Variants in MTUS2 observed in about 807,000 individuals in gnomAD.
The protein encoded by MTUS2 is microtubule associated scaffold protein 2, also known as microtubule-associated tumor suppressor candidate 2.
A neutral mutation model predicts 114.1 loss-of-function variants in MTUS2; 40 were observed. That is an observed-to-expected ratio of 0.35 (90% CI 0.27 to 0.46). MTUS2 has a LOEUF of 0.46. Ranked by LOEUF, MTUS2 falls within the 20% of genes least tolerant of loss-of-function variation. The pLI is 1.00. For missense variants in MTUS2, 1,679 were observed against 1,705.4 expected (o/e 0.98, Z 0.27); for synonymous variants, 688 against 672.0 (o/e 1.02, Z -0.37).
In MTUS2 at chr13:29,427,598, T is replaced by C. The variant is rs548355643; in HGVS notation, c.3118-12385T>C. Reference sequence around the variant, plus strand: ...TAAAGAAAGGTTTCCGTTTATTCTTTCAAGTTTAAGGCAAACATTCCAGTC... The same window carrying C: ...TAAAGAAAGGTTTCCGTTTATTCTTCCAAGTTTAAGGCAAACATTCCAGTC... On this transcript the variant is annotated intron_variant, in intron 8 of 15. Transcript: ENST00000612955. Among the ~76,000 whole-genome samples, 83 of 152,364 alleles carry C rather than the reference T, an allele frequency of 5.4e-4. 1 individual carries two copies. The highest frequency in any genetic ancestry group is 1.9e-3 in the African/African-American group (78 of 41,600).
At chr13:29,238,997 G>A (rs539955475) in intron 5 of MTUS2, among the ~76,000 whole-genome samples, 23 of 152,162 alleles carry the variant, frequency 1.5e-4, no homozygotes, top group African/African-American at 4.6e-4. Context: ...ACGAAGTTTC[G>A]GTTATGCAGG....
intron 2 of MTUS2, among the ~76,000 whole-genome samples, chr13:28,876,540 AAGAG>A (rs953365619): frequency 4.6e-5 from 7 of 152,190 alleles, no homozygotes; most frequent in African/African-American, 1.7e-4. Context: ...CGTCTAGAAG[AAGAG>A]AGAGTTGTTT....
chr13:28,941,474 AAT>A (rs1491570168), intron 2 of MTUS2, among the ~76,000 whole-genome samples: 2 of 152,100 alleles, frequency 1.3e-5, no homozygotes, highest in African/African-American at 4.8e-5. Context: ...AAAACTTAAA[AAT>A]ATCTTTTTAT....
At chr13:29,435,556 C>T (rs1428212750) in intron 8 of MTUS2, among the ~76,000 whole-genome samples, 7 of 152,178 alleles carry the variant, frequency 4.6e-5, no homozygotes, top group Non-Finnish European at 7.3e-5. Context: ...CAAGATCACA[C>T]TGGATTCTGT....
At chr13:29,331,410 C>G (rs578098631) in intron 7 of MTUS2, among the ~76,000 whole-genome samples, 1 of 152,078 alleles carries the variant, frequency 6.6e-6, no homozygotes, top group Non-Finnish European at 1.5e-5. Flanking sequence ...TCTTCCTGTT[C>G]GAATATGCTT....
chr13:28,946,278 T>C (rs1266437786), intron 2 of MTUS2, among the ~76,000 whole-genome samples: 7 of 57,464 alleles, frequency 1.2e-4, no homozygotes, highest in East Asian at 6.5e-4. Flanking sequence ...TCTGCGTGTG[T>C]GTGTGTGTGT....
intron 2 of MTUS2, among the ~76,000 whole-genome samples, chr13:28,866,291 A>G (rs1329525269): frequency 1.3e-5 from 2 of 152,042 alleles, no homozygotes; most frequent in African/African-American, 4.8e-5. Context: ...ATGGATCACC[A>G]TAAGCTGTTT....
chr13:29,462,039 C>T (rs921210410), intron 9 of MTUS2, among the ~76,000 whole-genome samples: 11 of 152,132 alleles, frequency 7.2e-5, no homozygotes, highest in Non-Finnish European at 4.4e-5. Flanking sequence ...GTACAAAGGC[C>T]CTGAGGCTCT....
intron 12 of MTUS2, among the ~76,000 whole-genome samples, chr13:29,493,243 G>A (rs943201728): frequency 6.6e-6 from 1 of 152,194 alleles, no homozygotes; most frequent in Admixed American, 6.5e-5. Flanking sequence ...CAGAGGAGCT[G>A]CCTGGTGTCC....
At chr13:29,305,769 C>T (rs1257677757) in intron 6 of MTUS2, among the ~76,000 whole-genome samples, 1 of 152,146 alleles carries the variant, frequency 6.6e-6, no homozygotes, top group Non-Finnish European at 1.5e-5. Flanking sequence ...AGGAGGGACT[C>T]CTTCCTAACT....
intron 5 of MTUS2, among the ~76,000 whole-genome samples, chr13:29,227,244 G>A (rs1383321743): frequency 2.7e-5 from 3 of 112,686 alleles, no homozygotes; most frequent in Admixed American, 1.1e-4. Flanking sequence ...TTGCAACAGA[G>A]CAAGACTCCG....
chr13:29,149,901 G>T (rs1456565173), intron 5 of MTUS2, among the ~76,000 whole-genome samples: 8 of 152,142 alleles, frequency 5.3e-5, no homozygotes, highest in African/African-American at 1.9e-4. Context: ...GTACCATGCT[G>T]TTTTGGTTAT....
intron 5 of MTUS2, among the ~76,000 whole-genome samples, chr13:29,178,360 A>G (rs17072891): frequency 0.024 from 3,680 of 152,270 alleles, 151 homozygotes; most frequent in African/African-American, 0.084. Context: ...GTGAATTGTA[A>G]TGAATTTTTA....
intron 2 of MTUS2, among the ~76,000 whole-genome samples, chr13:28,866,240 C>G (rs1877290456): frequency 6.6e-6 from 1 of 152,166 alleles, no homozygotes; most frequent in Non-Finnish European, 1.5e-5. Context: ...ACTGCACTAT[C>G]TCGTTGTTTT....
intron 4 of MTUS2, among the ~76,000 whole-genome samples, chr13:29,095,347 G>A (rs9508268): frequency 0.67 from 102,133 of 151,910 alleles, 35,029 homozygotes; most frequent in Non-Finnish European, 0.74. Context: ...GTGTATATAC[G>A]TTTATAATTA....
chr13:29,039,480 G>A (rs1186219670), intron 4 of MTUS2, among the ~76,000 whole-genome samples: 2 of 152,204 alleles, frequency 1.3e-5, no homozygotes, highest in South Asian at 2.1e-4. Context: ...GCTGCAGCGG[G>A]GGAGGGCAGC....
intron 4 of MTUS2, among the ~76,000 whole-genome samples, chr13:29,065,444 G>A (rs890078490): frequency 3.3e-5 from 5 of 151,856 alleles, no homozygotes; most frequent in Admixed American, 2.6e-4. Flanking sequence ...AGAAGTGTCT[G>A]TTCATATCGT....
intron 5 of MTUS2, among the ~76,000 whole-genome samples, chr13:29,174,023 C>G (rs971997160): frequency 6.6e-6 from 1 of 152,214 alleles, no homozygotes; most frequent in Non-Finnish European, 1.5e-5. Flanking sequence ...CATATTGTGA[C>G]ATTGTGCTTG....
intron 8 of MTUS2, among the ~76,000 whole-genome samples, chr13:29,378,818 C>T (rs1871958367): frequency 6.6e-6 from 1 of 152,060 alleles, no homozygotes. Context: ...GGACCCATGC[C>T]TTGCTCACTT....
Sources: gnomAD v4.1 joint callset for allele counts (sites outside exome capture counted in the v4.1 genomes callset) on GRCh38, gnomAD v4.1.1 for gene constraint, MANE v1.5 for transcripts, NCBI Gene and HGNC (gene_info 2026-07-23, HGNC 2026-07-21) for gene names.